NEGR1: variants seen among roughly 807,000 people sequenced by gnomAD.
The protein encoded by NEGR1 is IgLON family member 4.
NEGR1 carries 10 observed loss-of-function variants against 40.9 expected under a neutral mutation model. That is an observed-to-expected ratio of 0.24 (90% CI 0.15 to 0.42). The LOEUF is 0.42. Among genes scored for constraint, NEGR1 ranks in the 10% least tolerant of loss-of-function variants. The probability of loss-of-function intolerance (pLI) is 1.00; values close to 1 mark genes in which losing one functional copy is unlikely to be tolerated. For synonymous variants in NEGR1, 185 were observed against 166.8 expected, an observed-to-expected ratio of 1.11 and a Z score of -0.84; for missense variants, 352 against 438.9, an observed-to-expected ratio of 0.80 and a Z score of 1.77.
intron 1 of NEGR1, among the ~76,000 whole-genome samples, chr1:72,097,719 A>G (rs566167120): frequency 6.6e-6 from 1 of 152,298 alleles, no homozygotes; most frequent in African/African-American, 2.4e-5. Flanking sequence ...AAATCATACA[A>G]TTTCTCTAAG....
At chr1:71,698,987 A>T (rs1215929991) in intron 3 of NEGR1, among the ~76,000 whole-genome samples, 1 of 151,896 alleles carries the variant, frequency 6.6e-6, no homozygotes, top group Non-Finnish European at 1.5e-5. Flanking sequence ...TGGCAAAGGT[A>T]GAATAAGCCT....
intron 6 of NEGR1, among the ~76,000 whole-genome samples, chr1:71,531,469 G>A (rs1248879790): frequency 2.6e-5 from 4 of 151,274 alleles, no homozygotes; most frequent in African/African-American, 4.8e-5. Context: ...AGATCAAAAA[G>A]TTTACTAGCA....
chr1:71,902,413 A>G (rs1354400295), intron 2 of NEGR1, among the ~76,000 whole-genome samples: 1 of 152,190 alleles, frequency 6.6e-6, no homozygotes, highest in Non-Finnish European at 1.5e-5. Context: ...TACTTCTTGA[A>G]TGTTATATTT....
At chr1:71,716,522 A>C (rs916602967) in intron 3 of NEGR1, among the ~76,000 whole-genome samples, 1 of 152,176 alleles carries the variant, frequency 6.6e-6, no homozygotes, top group African/African-American at 2.4e-5. Context: ...TGAAAAAATA[A>C]GATTAAAATT....
At chr1:71,581,094 A>T (rs923718530) in intron 6 of NEGR1, among the ~76,000 whole-genome samples, 3 of 152,204 alleles carry the variant, frequency 2.0e-5, no homozygotes, top group African/African-American at 4.8e-5. Context: ...ATTATTTATA[A>T]TCTTGAGGTT....
At chr1:71,446,163 G>A (rs1646581464) in intron 6 of NEGR1, among the ~76,000 whole-genome samples, 1 of 152,124 alleles carries the variant, frequency 6.6e-6, no homozygotes, top group Admixed American at 6.5e-5. Flanking sequence ...TAGCAAATAT[G>A]TTTCCCTTTT....
At chr1:71,985,829 A>G (rs1646389621) in intron 1 of NEGR1, among the ~76,000 whole-genome samples, 2 of 152,112 alleles carry the variant, frequency 1.3e-5, no homozygotes, top group African/African-American at 4.8e-5. Flanking sequence ...AGGCTTGTTT[A>G]TTCATTCTCT....
chr1:71,856,754 T>C (rs948283035), intron 2 of NEGR1, among the ~76,000 whole-genome samples: 1 of 152,070 alleles, frequency 6.6e-6, no homozygotes, highest in Non-Finnish European at 1.5e-5. Flanking sequence ...AAGTTCGAGC[T>C]CAAATTTCAG....
At chr1:72,220,643 ATTT>A (rs77246827) in intron 1 of NEGR1, among the ~76,000 whole-genome samples, 19,447 of 151,894 alleles carry the variant, frequency 0.13, 1,622 homozygotes, top group Non-Finnish European at 0.19. Context: ...ATAATTTCAA[ATTT>A]TTCAACATTC....
chr1:71,941,795 T>C (rs967576842), intron 1 of NEGR1, among the ~76,000 whole-genome samples: 2 of 152,150 alleles, frequency 1.3e-5, no homozygotes, highest in African/African-American at 4.8e-5. Flanking sequence ...GTTATGTATA[T>C]TTTTCATTCA....
At chr1:71,863,646 G>C (rs1202457540) in intron 2 of NEGR1, among the ~76,000 whole-genome samples, 1 of 152,118 alleles carries the variant, frequency 6.6e-6, no homozygotes, top group Non-Finnish European at 1.5e-5. Context: ...CAAGTAATTA[G>C]AAGCATTAAT....
At chr1:71,549,975 T>G (rs1217119350) in intron 6 of NEGR1, among the ~76,000 whole-genome samples, 1 of 151,678 alleles carries the variant, frequency 6.6e-6, no homozygotes, top group Non-Finnish European at 1.5e-5. Context: ...GAGTGCACAC[T>G]TGAATAATAA....
intron 6 of NEGR1, among the ~76,000 whole-genome samples, chr1:71,582,148 T>C (rs980837235): frequency 6.6e-6 from 1 of 152,162 alleles, no homozygotes; most frequent in Non-Finnish European, 1.5e-5. Flanking sequence ...TTTAATGATA[T>C]TGTAAAATAA....
intron 1 of NEGR1, among the ~76,000 whole-genome samples, chr1:72,214,679 A>G (rs1024641098): frequency 2.6e-5 from 4 of 152,110 alleles, no homozygotes; most frequent in African/African-American, 9.7e-5. Flanking sequence ...CTCTTCAAGG[A>G]GTACTACAAG....
intron 3 of NEGR1, among the ~76,000 whole-genome samples, chr1:71,757,098 C>T (rs1486452478): frequency 6.6e-6 from 1 of 151,986 alleles, no homozygotes; most frequent in Non-Finnish European, 1.5e-5. Context: ...TTACATACAG[C>T]ATTTATGTGC....
chr1:72,249,351 T>C (rs556222125), intron 1 of NEGR1, among the ~76,000 whole-genome samples: 58 of 152,350 alleles, frequency 3.8e-4, no homozygotes, highest in Admixed American at 4.6e-4. Flanking sequence ...ATTTTTGTTA[T>C]AGCAGCACAG....
intron 1 of NEGR1, among the ~76,000 whole-genome samples, chr1:71,986,836 A>G (rs1646399127): frequency 6.6e-6 from 1 of 152,170 alleles, no homozygotes; most frequent in Non-Finnish European, 1.5e-5. Context: ...GAGATTTCTC[A>G]CAGTTCTTCT....
intron 1 of NEGR1, among the ~76,000 whole-genome samples, chr1:72,008,981 C>T (rs1316175017): frequency 6.7e-6 from 1 of 150,260 alleles, no homozygotes; most frequent in African/African-American, 2.4e-5. Context: ...CTTCCCTAAC[C>T]ACCACCTCTC....
chr1:71,639,438 G>T (rs976095356), intron 4 of NEGR1, among the ~76,000 whole-genome samples: 4 of 152,032 alleles, frequency 2.6e-5, no homozygotes, highest in African/African-American at 9.7e-5. Context: ...TGCTACTCTT[G>T]CTGAAGATGT....
Sources: gnomAD v4.1 joint callset for allele counts (sites outside exome capture counted in the v4.1 genomes callset) on GRCh38, gnomAD v4.1.1 for gene constraint, MANE v1.5 for transcripts, NCBI Gene and HGNC (gene_info 2026-07-23, HGNC 2026-07-21) for gene names.